PPP1R12A: variants seen among roughly 807,000 people sequenced by gnomAD.
The protein encoded by PPP1R12A is myosin binding subunit.
Under a neutral mutation model 139.6 loss-of-function variants are expected in PPP1R12A, and 19 were observed. The ratio of observed to expected loss-of-function variants is 0.14; its 90% CI spans 0.09 to 0.20. The LOEUF is 0.20. Among genes scored for constraint, PPP1R12A ranks in the 10% least tolerant of loss-of-function variants. The pLI is 1.00. For synonymous variants in PPP1R12A, 427 were observed against 420.6 expected, an observed-to-expected ratio of 1.02 and a Z score of -0.19; for missense variants, 925 against 1,211.5, an observed-to-expected ratio of 0.76 and a Z score of 3.51.
intron 2 of PPP1R12A, among the ~76,000 whole-genome samples, chr12:79,867,802 T>G (rs1002493193): frequency 6.6e-6 from 1 of 152,220 alleles, no homozygotes; most frequent in East Asian, 1.9e-4. Flanking sequence ...GTGAGTGAGT[T>G]CTCATGAGAT....
At chr12:79,791,388 T>C (rs143090524) in intron 19 of PPP1R12A, among the ~76,000 whole-genome samples, 4 of 152,162 alleles carry the variant, frequency 2.6e-5, no homozygotes, top group Non-Finnish European at 5.9e-5. Flanking sequence ...AGTGCAGTGA[T>C]ATGATCACAG....
At chr12:79,837,716 C>T (rs554580270) in intron 3 of PPP1R12A, among the ~76,000 whole-genome samples, 1 of 152,236 alleles carries the variant, frequency 6.6e-6, no homozygotes, top group East Asian at 1.9e-4. Flanking sequence ...GTTTAAGAGG[C>T]TTTTTCCTCT....
chr12:79,807,787 C>T (rs573787201), intron 11 of PPP1R12A, among the ~76,000 whole-genome samples: 8 of 151,932 alleles, frequency 5.3e-5, no homozygotes, highest in South Asian at 2.1e-4. Flanking sequence ...CACCTGTAAC[C>T]CAGCACTTTG....
At chr12:79,865,514 A>T (rs1881862608) in intron 2 of PPP1R12A, among the ~76,000 whole-genome samples, 2 of 152,222 alleles carry the variant, frequency 1.3e-5, no homozygotes, top group South Asian at 4.1e-4. Flanking sequence ...AAATAGGAAG[A>T]GAGGAAGTCA....
At chr12:79,898,967 A>G (rs1885378799) in intron 1 of PPP1R12A, among the ~76,000 whole-genome samples, 1 of 152,100 alleles carries the variant, frequency 6.6e-6, no homozygotes, top group Non-Finnish European at 1.5e-5. Flanking sequence ...AACATATAGC[A>G]AAGTTGAAAG....
At chr12:79,797,101 A>G (rs1872584672) in intron 16 of PPP1R12A, 94 bp downstream of exon 16, 5 of 1,346,926 alleles carry the variant, frequency 3.7e-6, no homozygotes, top group Admixed American at 2.6e-5. Context: ...AGTATTTTGC[A>G]TATGGTTTGT....
At chr12:79,808,422 T>C in intron 11 of PPP1R12A, 61 bp downstream of exon 11, 1 of 1,141,082 alleles carries the variant, frequency 8.8e-7, no homozygotes, top group Non-Finnish European at 1.3e-6. Flanking sequence ...ATGTATTAAC[T>C]CTAATGCTAG....
chr12:79,885,377 T>G (rs1276041298), intron 1 of PPP1R12A, among the ~76,000 whole-genome samples: 1 of 152,192 alleles, frequency 6.6e-6, no homozygotes, highest in African/African-American at 2.4e-5. Flanking sequence ...TGCTAATTCT[T>G]CCCCATTTAA....
chr12:79,783,037 C>A (rs1257825987), intron 22 of PPP1R12A, among the ~76,000 whole-genome samples: 5 of 152,016 alleles, frequency 3.3e-5, no homozygotes, highest in Admixed American at 1.3e-4. Context: ...ATTTAAAGAA[C>A]TAATCATGGC....
At chr12:79,856,568 G>A (rs919722540) in intron 2 of PPP1R12A, among the ~76,000 whole-genome samples, 3 of 152,102 alleles carry the variant, frequency 2.0e-5, no homozygotes, top group African/African-American at 7.2e-5. Context: ...TGTTATCTAA[G>A]ACTTCGAACT....
At chr12:79,824,621 A>ACT (rs373204412) in intron 5 of PPP1R12A, among the ~76,000 whole-genome samples, 33 of 152,280 alleles carry the variant, frequency 2.2e-4, no homozygotes, top group African/African-American at 7.7e-4. Context: ...CATCAACTTA[A>ACT]CTCATCAACT....
At chr12:79,919,799 G>C (rs1350424756) in intron 1 of PPP1R12A, among the ~76,000 whole-genome samples, 1 of 152,134 alleles carries the variant, frequency 6.6e-6, no homozygotes, top group Non-Finnish European at 1.5e-5. Flanking sequence ...CTGGGGGACT[G>C]ATAGAAGATA....
At chr12:79,863,070 A>G (rs1881527050) in intron 2 of PPP1R12A, among the ~76,000 whole-genome samples, 1 of 152,170 alleles carries the variant, frequency 6.6e-6, no homozygotes, top group Non-Finnish European at 1.5e-5. Context: ...GCCAGAGAGA[A>G]AGGCTGGGTT....
chr12:79,779,928 G>A (rs1870216878), intron 23 of PPP1R12A: 1 of 154,002 alleles, frequency 6.5e-6, no homozygotes, highest in Non-Finnish European at 1.4e-5. Context: ...AACTGGCCAG[G>A]CACAATGGCT....
intron 1 of PPP1R12A, among the ~76,000 whole-genome samples, chr12:79,874,857 T>C (rs1009605260): frequency 6.6e-6 from 1 of 152,194 alleles, no homozygotes; most frequent in South Asian, 2.1e-4. Context: ...CCAGCCACAA[T>C]AGGGACCTTA....
At chr12:79,898,228 C>T (rs1427991934) in intron 1 of PPP1R12A, among the ~76,000 whole-genome samples, 1 of 152,102 alleles carries the variant, frequency 6.6e-6, no homozygotes, top group Non-Finnish European at 1.5e-5. Context: ...GGTGGGCGGA[C>T]TGCCTGAGCT....
chr12:79,925,151 A>G (rs1770889548), intron 1 of PPP1R12A, among the ~76,000 whole-genome samples: 1 of 152,234 alleles, frequency 6.6e-6, no homozygotes, highest in Admixed American at 6.5e-5. Context: ...TCCATGCAAG[A>G]ATATAAATAT....
chr12:79,792,373 T>C (rs1330888337), intron 19 of PPP1R12A, among the ~76,000 whole-genome samples: 1 of 152,174 alleles, frequency 6.6e-6, no homozygotes, highest in Non-Finnish European at 1.5e-5. Flanking sequence ...TACATCAGCC[T>C]GAGGATGAAG....
At chr12:79,795,191 C>A (rs1183492559) in intron 18 of PPP1R12A, among the ~76,000 whole-genome samples, 1 of 152,072 alleles carries the variant, frequency 6.6e-6, no homozygotes, top group Non-Finnish European at 1.5e-5. Context: ...CAGGAAAACA[C>A]TAATTTTTAC....
Sources: allele counts gnomAD v4.1 joint callset (sites outside exome capture counted in the v4.1 genomes callset), GRCh38; gene constraint gnomAD v4.1.1; transcripts MANE v1.5; gene names NCBI Gene and HGNC (gene_info 2026-07-23, HGNC 2026-07-21).